ADAMTS3: variants seen among roughly 807,000 people sequenced by gnomAD.
ADAMTS3 encodes the protein ADAM metallopeptidase with thrombospondin type 1 motif 3, also known as A disintegrin and metalloproteinase with thrombospondin motifs 3.
In ADAMTS3, 73 loss-of-function variants were observed where a neutral mutation model predicts 129.0. That is an observed-to-expected ratio of 0.57 (90% CI 0.47 to 0.69). The LOEUF (loss-of-function observed/expected upper bound fraction) is 0.69. ADAMTS3 is among the 30% of genes least tolerant of loss of function. The pLI is 0.00. For synonymous variants in ADAMTS3, 477 were observed against 510.8 expected (o/e 0.93, Z 0.89); for missense variants, 1,457 against 1,514.5 (o/e 0.96, Z 0.63).
intron 3 of ADAMTS3, among the ~76,000 whole-genome samples, chr4:72,528,930 A>C (rs1720886084): frequency 6.6e-6 from 1 of 152,146 alleles, no homozygotes; most frequent in Non-Finnish European, 1.5e-5. Context: ...ATAAATGTAC[A>C]TAAAAAATTT....
intron 21 of ADAMTS3, among the ~76,000 whole-genome samples, chr4:72,284,638 C>T (rs1490234953): frequency 6.6e-6 from 1 of 152,040 alleles, no homozygotes; most frequent in Non-Finnish European, 1.5e-5. Context: ...CTTAGTAACA[C>T]TCATAAAATG....
chr4:72,496,629 C>T (rs1259603911), intron 3 of ADAMTS3, among the ~76,000 whole-genome samples: 1 of 152,044 alleles, frequency 6.6e-6, no homozygotes. Flanking sequence ...AGCTTAGTGT[C>T]AGAAGCCATC....
chr4:72,490,720 C>T (rs540355488), intron 3 of ADAMTS3, among the ~76,000 whole-genome samples: 3 of 151,894 alleles, frequency 2.0e-5, no homozygotes, highest in East Asian at 1.9e-4. Flanking sequence ...CAGTACCATA[C>T]GTTTTAATTA....
At chr4:72,340,098 C>T (rs1720096685) in intron 4 of ADAMTS3, among the ~76,000 whole-genome samples, 1 of 152,038 alleles carries the variant, frequency 6.6e-6, no homozygotes, top group Non-Finnish European at 1.5e-5. Flanking sequence ...TGATTAAGTT[C>T]CTGTAGCCAT....
In ADAMTS3 at chr4:72,320,782, T is replaced by C. The variant is rs1560471533; in HGVS notation, c.1034A>G (p.Asn345Ser). 2.5e-6 allele frequency: 4 copies of C among 1,613,982 alleles called. No homozygotes were observed. Among genetic ancestry groups the C allele is most frequent in the East Asian group, 2.2e-5 (1 of 44,842 alleles). Residue 345 changes from asparagine (N) to serine (S), a missense_variant, in exon 7 of 22, where the codon AAC becomes AGC. Transcript: ENST00000286657. ...TGCATGGTCATGGTGTTCAGAGTGG[T>C]TGAGATCAGATCTTTGCTGTTGGGA... ...WASQQQRSDL[N>S]HSEHHDHAIF... is the part of the protein sequence containing the mutation.
At chr4:72,524,188 A>G (rs1486740719) in intron 3 of ADAMTS3, among the ~76,000 whole-genome samples, 5 of 152,122 alleles carry the variant, frequency 3.3e-5, no homozygotes, top group African/African-American at 4.8e-5. Flanking sequence ...AGGAATAACT[A>G]AAAAGGAGAG....
intron 3 of ADAMTS3, among the ~76,000 whole-genome samples, chr4:72,528,753 A>G (rs1479412416): frequency 6.6e-6 from 1 of 152,118 alleles, no homozygotes. Context: ...GAAAACATCA[A>G]AGAAAAGCCC....
chr4:72,530,455 T>G (rs1485632612), intron 3 of ADAMTS3, among the ~76,000 whole-genome samples: 2 of 40,808 alleles, frequency 4.9e-5, no homozygotes. Flanking sequence ...ATATATATTA[T>G]ATATTAAATA....
At position 72,529,978 on chromosome 4, in the gene ADAMTS3, A is replaced by ATAATATATTATATTTATATAT. The variant is rs372655516; in HGVS notation, c.504+18499_504+18500insATATATAAATATAATATATTA. Among the ~76,000 whole-genome samples the ATAATATATTATATTTATATAT allele has an allele frequency of 4.0e-3, 27 of 6,724 alleles. 8 individuals are homozygous for ATAATATATTATATTTATATAT. Among genetic ancestry groups the ATAATATATTATATTTATATAT allele is most frequent in the African/African-American group, 0.019 (27 of 1,396 alleles). 4.4% of individuals were successfully genotyped at this position (6,724 alleles called of 152,430 possible). On this transcript the variant is annotated intron_variant, in intron 3 of 21. Transcript: ENST00000286657. ...ATATAATATATTATATTTATATATA[A>ATAATATATTATATTTATATAT]ATATAATATATTATATTTATATATA... is the stretch of plus-strand genomic sequence containing the variant.
At chr4:72,376,830 G>A (rs1158868788) in intron 4 of ADAMTS3, among the ~76,000 whole-genome samples, 1 of 152,100 alleles carries the variant, frequency 6.6e-6, no homozygotes, top group Non-Finnish European at 1.5e-5. Flanking sequence ...GTATTTCACT[G>A]CCAAGGATGG....
At chr4:72,305,822 G>A (rs564973627) in intron 16 of ADAMTS3, among the ~76,000 whole-genome samples, 165 bp downstream of exon 16, 1 of 151,766 alleles carries the variant, frequency 6.6e-6, no homozygotes, top group South Asian at 2.1e-4. Context: ...GCACATGTAC[G>A]CACATATACG....
At position 72,290,261 on chromosome 4, in the gene ADAMTS3, T is replaced by C. The variant is rs556053885; in HGVS notation, c.2931+594A>G. Among the ~76,000 whole-genome samples the C allele has an allele frequency of 4.6e-5, 7 of 151,316 alleles. No homozygotes were observed. The East Asian group carries it at 9.7e-4, about 21-fold the overall frequency. On this transcript the variant is annotated intron_variant, in intron 20 of 21. Transcript: ENST00000286657. Reference sequence around the variant, plus strand: ...TTCAAGAATCAGAGTTATAATACTCTGTCATGAACAGCATGGTAAAGTTAA... The same window carrying C: ...TTCAAGAATCAGAGTTATAATACTCCGTCATGAACAGCATGGTAAAGTTAA...
chr4:72,308,543 T>C (rs1360164052), intron 15 of ADAMTS3, among the ~76,000 whole-genome samples: 1 of 151,968 alleles, frequency 6.6e-6, no homozygotes, highest in Non-Finnish European at 1.5e-5. Flanking sequence ...AAAATCTTCT[T>C]GAGCAAACAC....
intron 3 of ADAMTS3, among the ~76,000 whole-genome samples, chr4:72,520,771 A>G (rs1720647252): frequency 6.6e-6 from 1 of 151,588 alleles, no homozygotes; most frequent in South Asian, 2.1e-4. Context: ...AGGAAAGGAA[A>G]CTCCCTGACC....
intron 3 of ADAMTS3, among the ~76,000 whole-genome samples, chr4:72,466,634 C>T (rs941506646): frequency 2.6e-5 from 4 of 152,024 alleles, no homozygotes; most frequent in Non-Finnish European, 4.4e-5. Context: ...TTTCTAATTT[C>T]CCTGCCTCCC....
chr4:72,513,519 C>A (rs1192237114), intron 3 of ADAMTS3, among the ~76,000 whole-genome samples: 1 of 152,128 alleles, frequency 6.6e-6, no homozygotes, highest in African/African-American at 2.4e-5. Context: ...GAGTAAAATT[C>A]TGATCAGAAG....
At chr4:72,352,676 TTACTC>T (rs999089594) in intron 4 of ADAMTS3, among the ~76,000 whole-genome samples, 7 of 151,978 alleles carry the variant, frequency 4.6e-5, no homozygotes, top group African/African-American at 9.7e-5. Context: ...AAGAATCAGT[TTACTC>T]TACCAGGAAG....
In ADAMTS3 at chr4:72,455,375, C is replaced by G. The variant is rs561239772; in HGVS notation, c.505-40404G>C. 2.7e-4 allele frequency among the ~76,000 whole-genome samples: 41 copies of G among 151,544 alleles called. No individual in the cohort carries two copies. In the Middle Eastern group the frequency reaches 0.02, roughly 75 times the overall value. On this transcript the variant is annotated intron_variant, in intron 3 of 21. Transcript: ENST00000286657. ...CATTCTCAGCAAACTAACACAGGAA[C>G]AGAAAACCAAACACCACATGTTCTC...
chr4:72,305,097 T>C (rs944516488), intron 16 of ADAMTS3, among the ~76,000 whole-genome samples: 5 of 152,122 alleles, frequency 3.3e-5, no homozygotes, highest in African/African-American at 1.2e-4. Context: ...TGATACGTGA[T>C]GTCTTAGCTT....
Sources: gnomAD v4.1 joint callset for allele counts (sites outside exome capture counted in the v4.1 genomes callset) on GRCh38, gnomAD v4.1.1 for gene constraint, MANE v1.5 for transcripts, NCBI Gene and HGNC (gene_info 2026-07-23, HGNC 2026-07-21) for gene names.